The following TBC1D5 variants were observed in gnomAD, a reference collection of about 807,000 sequenced individuals.
TBC1D5 encodes the protein TBC1 domain family, member 5.
Under a neutral mutation model 100.3 loss-of-function variants are expected in TBC1D5, and 75 were observed. The observed-to-expected ratio is 0.75, with a 90% CI of 0.62 to 0.91. The LOEUF (loss-of-function observed/expected upper bound fraction) is 0.91. Among genes scored for constraint, TBC1D5 ranks in the 40% least tolerant of loss-of-function variants. The pLI is 0.00. For synonymous variants in TBC1D5, 323 were observed against 325.6 expected, an observed-to-expected ratio of 0.99 and a Z score of 0.09; for missense variants, 910 against 942.4, an observed-to-expected ratio of 0.97 and a Z score of 0.45.
At chr3:17,709,801 G>C (rs964959414) in intron 1 of TBC1D5, among the ~76,000 whole-genome samples, 1 of 152,076 alleles carries the variant, frequency 6.6e-6, no homozygotes, top group Non-Finnish European at 1.5e-5. Flanking sequence ...CTCTGAGGGT[G>C]ACCCAAGTAC....
At chr3:17,178,470 AC>A (rs1332148984) in intron 19 of TBC1D5, among the ~76,000 whole-genome samples, 4 of 152,184 alleles carry the variant, frequency 2.6e-5, no homozygotes, top group African/African-American at 7.2e-5. Flanking sequence ...TGCTAAAAAA[AC>A]ATGGGAGTGC....
chr3:17,604,260 G>A (rs1376046763), intron 2 of TBC1D5, among the ~76,000 whole-genome samples: 1 of 152,072 alleles, frequency 6.6e-6, no homozygotes, highest in African/African-American at 2.4e-5. Context: ...GTGCCTTTAA[G>A]TACTTCTTAA....
intron 4 of TBC1D5, among the ~76,000 whole-genome samples, chr3:17,425,048 G>A (rs2094304791): frequency 6.6e-6 from 1 of 152,024 alleles, no homozygotes; most frequent in South Asian, 2.1e-4. Flanking sequence ...TTATTTTCTT[G>A]TAAAACATAT....
At chr3:17,382,841 T>C (rs1559766959) in intron 9 of TBC1D5, among the ~76,000 whole-genome samples, 1 of 152,048 alleles carries the variant, frequency 6.6e-6, no homozygotes, top group Admixed American at 6.6e-5. Context: ...GGATTATAGG[T>C]GTAAGCCACT....
At chr3:17,577,250 G>A (rs563790196) in intron 2 of TBC1D5, among the ~76,000 whole-genome samples, 4 of 152,014 alleles carry the variant, frequency 2.6e-5, no homozygotes, top group Middle Eastern at 3.4e-3. Context: ...TGCAAAAAGC[G>A]ATTCCAACTA....
intron 2 of TBC1D5, among the ~76,000 whole-genome samples, chr3:17,605,270 G>A (rs935071140): frequency 1.3e-5 from 2 of 152,006 alleles, no homozygotes; most frequent in African/African-American, 2.4e-5. Flanking sequence ...TAGTCACATA[G>A]TATTAACTAC....
rs763670777 is a variant in TBC1D5 at position 17,445,989 on chromosome 3, A to G, written c.98-17470T>C. 9.2e-5 allele frequency among the ~76,000 whole-genome samples: 14 copies of G among 152,188 alleles called. 1 individual carries two copies. The highest frequency in any genetic ancestry group is 1.9e-4 in the Non-Finnish European group (13 of 68,016). On this transcript the variant is annotated intron_variant, in intron 3 of 21. Coordinates refer to ENST00000253692, the Ensembl canonical transcript of TBC1D5. ...ATCCTGGAGTCAGGGCTGTTAGGTT[A>G]AGAGTAATGCACTTCTGCCTTTTTA...
intron 2 of TBC1D5, among the ~76,000 whole-genome samples, chr3:17,548,079 C>G (rs1448713463): frequency 1.3e-5 from 2 of 152,092 alleles, no homozygotes; most frequent in Admixed American, 6.6e-5. Context: ...TTTTGGGAGG[C>G]CAAGGTGGGT....
chr3:17,368,971 T>C lies in TBC1D5; in HGVS notation c.995+3104A>G, dbSNP rs559723436. On this transcript the variant is annotated intron_variant, in intron 13 of 21. Transcript: ENST00000253692. ...TGTAAAACTAAATTAACAACTTTCT[T>C]CTAAAAGGAATAAACAGTAGCACAG... is the stretch of plus-strand genomic sequence containing the variant. Among the ~76,000 whole-genome samples the C allele has an allele frequency of 6.6e-5, 10 of 152,310 alleles. No homozygotes were observed. In the South Asian group the frequency reaches 1.4e-3, roughly 22 times the overall value.
chr3:17,347,494 TA>T (rs778296800), intron 13 of TBC1D5, among the ~76,000 whole-genome samples: 30 of 151,990 alleles, frequency 2.0e-4, no homozygotes, highest in Non-Finnish European at 2.9e-4. Flanking sequence ...CAAATTAAAT[TA>T]AAAAAAATTA....
chr3:17,662,438 T>C (rs2066754840), intron 1 of TBC1D5, among the ~76,000 whole-genome samples: 1 of 152,218 alleles, frequency 6.6e-6, no homozygotes, highest in Non-Finnish European at 1.5e-5. Context: ...AAAAGTATAG[T>C]CTGATTTCAC....
exon 14 of TBC1D5, chr3:17,308,116 T>C (rs367633728): frequency 3.4e-5 from 54 of 1,594,924 alleles, no homozygotes; most frequent in Middle Eastern, 1.7e-4. Flanking sequence ...CTCGTCCAAA[T>C]AGCAGCCGCA....
At chr3:17,304,802 A>G (rs2083231030) in intron 14 of TBC1D5, among the ~76,000 whole-genome samples, 1 of 152,198 alleles carries the variant, frequency 6.6e-6, no homozygotes, top group Non-Finnish European at 1.5e-5. Context: ...CCTCTCTATC[A>G]GTTCTGCCCT....
chr3:17,669,787 G>C (rs2067715216), intron 1 of TBC1D5, among the ~76,000 whole-genome samples: 3 of 152,216 alleles, frequency 2.0e-5, no homozygotes, highest in African/African-American at 7.2e-5. Context: ...GGAGAAGCAA[G>C]TCAGTGAGTA....
chr3:17,449,117 C>T (rs1301999439), intron 3 of TBC1D5, among the ~76,000 whole-genome samples: 1 of 152,176 alleles, frequency 6.6e-6, no homozygotes, highest in Non-Finnish European at 1.5e-5. Flanking sequence ...CACCACCTCA[C>T]CTGGGAAGCC....
At chr3:17,240,665 G>C (rs1390114916) in intron 16 of TBC1D5, among the ~76,000 whole-genome samples, 1 of 152,100 alleles carries the variant, frequency 6.6e-6, no homozygotes, top group Non-Finnish European at 1.5e-5. Flanking sequence ...CATTTCCTGT[G>C]AGTGATAGTA....
chr3:17,314,834 T>C (rs754093774), intron 13 of TBC1D5, among the ~76,000 whole-genome samples: 1 of 152,216 alleles, frequency 6.6e-6, no homozygotes, highest in Non-Finnish European at 1.5e-5. Context: ...GCAAAAGTTA[T>C]TGGATGGCTC....
chr3:17,659,769 G>C (rs2066469264), intron 1 of TBC1D5, among the ~76,000 whole-genome samples: 1 of 151,948 alleles, frequency 6.6e-6, no homozygotes, highest in Admixed American at 6.6e-5. Flanking sequence ...TTACATACCA[G>C]TATTTTTAGT....
chr3:17,600,683 G>T (rs970233709), intron 2 of TBC1D5, among the ~76,000 whole-genome samples: 3 of 152,052 alleles, frequency 2.0e-5, no homozygotes, highest in Non-Finnish European at 4.4e-5. Context: ...ACCAAAAGGG[G>T]TCATAACTTT....
Sources: gnomAD v4.1 joint callset for allele counts (sites outside exome capture counted in the v4.1 genomes callset) on GRCh38, gnomAD v4.1.1 for gene constraint, MANE v1.5 for transcripts, NCBI Gene and HGNC (gene_info 2026-07-23, HGNC 2026-07-21) for gene names.